Variants in NOS2 observed in about 807,000 individuals in gnomAD.
NOS2 encodes the protein nitric oxide synthase, inducible.
Under a neutral mutation model 136.0 loss-of-function variants are expected in NOS2, and 96 were observed. That is an observed-to-expected ratio of 0.71 (90% CI 0.60 to 0.84). The LOEUF (loss-of-function observed/expected upper bound fraction) is 0.84, where lower values mean the gene tolerates loss of function less well. Ranked by LOEUF, NOS2 falls within the 40% of genes least tolerant of loss-of-function variation. The probability of loss-of-function intolerance (pLI) is 0.00; values close to 1 mark genes in which losing one functional copy is unlikely to be tolerated. For missense variants in NOS2, 1,237 were observed against 1,496.9 expected, an observed-to-expected ratio of 0.83 and a Z score of 2.87; for synonymous variants, 539 against 587.5, an observed-to-expected ratio of 0.92 and a Z score of 1.20.
intron 12 of NOS2, 100 bp from the exon 13 acceptor site, chr17:27,773,343 C>G: frequency 1.2e-6 from 1 of 803,482 alleles, no homozygotes. Context: ...CCATCATGAG[C>G]CTGGGAGAGA....
At chr17:27,797,587 CA>C in intron 2 of NOS2, among the ~76,000 whole-genome samples, 1 of 152,234 alleles carries the variant, frequency 6.6e-6, no homozygotes. Context: ...TGTACACATC[CA>C]GGGGGCGCCC....
At chr17:27,766,375 C>A in intron 19 of NOS2, 135 bp downstream of exon 19, 1 of 813,768 alleles carries the variant, frequency 1.2e-6, no homozygotes, top group Admixed American at 1.9e-5. Flanking sequence ...GTGGGCCGGT[C>A]CTACCGACAG....
chr17:27,770,794 G>A, intron 15 of NOS2, 119 bp downstream of exon 15: 1 of 662,376 alleles, frequency 1.5e-6, no homozygotes, highest in South Asian at 1.8e-5. Flanking sequence ...GTGACCCGGA[G>A]TGGCCTGAGC....
At chr17:27,765,401 T>C (rs530368907) in intron 20 of NOS2, 134 bp downstream of exon 20, 3 of 786,230 alleles carry the variant, frequency 3.8e-6, no homozygotes, top group Non-Finnish European at 5.9e-6. Flanking sequence ...TGCTTTCACA[T>C]AAGCTTTGGT....
intron 2 of NOS2, among the ~76,000 whole-genome samples, chr17:27,792,331 A>T (rs1727188820): frequency 6.6e-6 from 1 of 152,264 alleles, no homozygotes; most frequent in Admixed American, 6.5e-5. Context: ...GTAAATGTTA[A>T]CAGTGACTAG....
intron 4 of NOS2, among the ~76,000 whole-genome samples, chr17:27,788,196 G>GCGCACACACA (rs1555540675): frequency 0.025 from 3,712 of 149,736 alleles, 56 homozygotes; most frequent in Middle Eastern, 0.062. Context: ...GCACACGCGT[G>GCGCACACACA]CACACACACA....
chr17:27,784,044 T>C (rs1908935507), intron 5 of NOS2, among the ~76,000 whole-genome samples: 1 of 152,110 alleles, frequency 6.6e-6, no homozygotes, highest in Admixed American at 6.6e-5. Flanking sequence ...AGTCACTCCA[T>C]ATGCAATTCT....
chr17:27,760,674 C>G lies in NOS2; in HGVS notation c.2959G>C (p.Ala987Pro). ...TGCTGCCAGAAACTGCGGAAGGGCG[C>G]GATGCCTGTGCCAGGCCCGATGAGG... Reference protein sequence around the residue: ...CILIGPGTGIAPFRSFWQQRL... With the variant: ...CILIGPGTGIPPFRSFWQQRL... Residue 987 changes from alanine (A) to proline (P), a missense_variant, in exon 24 of 27, where the codon GCG (alanine) becomes CCG (proline). By Grantham distance (27) the Ala-to-Pro change is conservative. Transcript: ENST00000313735. 6.4e-7 allele frequency: 1 copy of G among 1,552,458 alleles called. No individual in the cohort carries two copies. Among genetic ancestry groups the G allele is most frequent in the South Asian group, 1.2e-5 (1 of 84,142 alleles).
intron 2 of NOS2, among the ~76,000 whole-genome samples, chr17:27,794,714 G>GCACACACA (rs56767383): frequency 0.014 from 2,062 of 145,582 alleles, 51 homozygotes; most frequent in African/African-American, 0.047. Context: ...ACACACACGC[G>GCACACACA]CACACACACA....
At chr17:27,766,368 G>A (rs1908303041) in intron 19 of NOS2, 142 bp downstream of exon 19, 1 of 750,214 alleles carries the variant, frequency 1.3e-6, no homozygotes, top group East Asian at 2.5e-5. Context: ...TTACCAGGTG[G>A]GCCGGTCCTA....
chr17:27,782,155 G>T, intron 6 of NOS2, 49 bp from the exon 7 acceptor site: 2 of 1,530,066 alleles, frequency 1.3e-6, no homozygotes, highest in Non-Finnish European at 1.8e-6. Context: ...GGTAGACAGA[G>T]GCTTTGAGGC....
At position 27,767,794 on chromosome 17, in the gene NOS2, T is replaced by C. The variant is rs780511419; in HGVS notation, c.2078A>G (p.Gln693Arg). The C allele has an allele frequency of 2.5e-6, 4 of 1,607,200 alleles. No homozygotes were observed. The highest frequency in any genetic ancestry group is 8.5e-7 in the Non-Finnish European group (1 of 1,177,714). ...ATTGGAGGTGTAGAGCTTGGGGATC[T>C]GAATGTGCTGTTTGCCTCGGACATC... ...TFDVRGKQHIQIPKLYTSNVT... is the reference protein window; with the variant it reads ...TFDVRGKQHIRIPKLYTSNVT... The change falls in exon 18 of 27, where the codon CAG (glutamine) becomes CGG (arginine). Residue 693 changes from glutamine to arginine, a missense_variant. Transcript: ENST00000313735.
At position 27,764,101 on chromosome 17, in the gene NOS2, G is replaced by A. The variant is rs1245897283; in HGVS notation, c.2472C>T (p.Leu824=). ...VSDKRLPPCS[L]SQALTYFLDI... is the part of the protein sequence containing the mutation. ...CCAGGAAGTAGGTGAGGGCCTGGCTGAGTGAGCAGGGGGGCAGCCTCTTGT... is the reference window on the plus strand; with the variant it reads ...CCAGGAAGTAGGTGAGGGCCTGGCTAAGTGAGCAGGGGGGCAGCCTCTTGT... Residue 824 remains leucine, a synonymous_variant, in exon 21 of 27, where the codon CTC becomes CTT. Coordinates refer to ENST00000313735, the MANE Select transcript of NOS2 (RefSeq NM_000625.4). The A allele has an allele frequency of 1.2e-6, 2 of 1,603,548 alleles. No homozygotes were observed. The highest frequency in any genetic ancestry group is 2.2e-5 in the South Asian group (2 of 89,560).
Position 27,763,988 on chromosome 17 carries a change from A to G in NOS2, c.2585T>C (p.Leu862Pro). The change falls in exon 21 of 27, where the codon CTG becomes CCG. Residue 862 changes from leucine to proline, a missense_variant. Around this residue, in one of 3 missense-constraint regions of NOS2, gnomAD observed 782 missense variants for 909.9 expected, o/e 0.86. Coordinates refer to ENST00000313735, the MANE Select transcript of NOS2 (RefSeq NM_000625.4). ...ACCAGCCCTGATCTTCACCTGGCAC[A>G]GGGCCTCCAGCCTCTGTCTCTCAGG... ...EEPERQRLEA[L>P]CQPSEYSKWK... The G allele has an allele frequency of 6.2e-7, 1 of 1,612,508 alleles. No homozygotes were observed. Among genetic ancestry groups the G allele is most frequent in the Non-Finnish European group, 8.5e-7 (1 of 1,179,306 alleles).
intron 17 of NOS2, among the ~76,000 whole-genome samples, chr17:27,768,312 A>T (rs1001650250): frequency 3.3e-5 from 5 of 152,156 alleles, no homozygotes; most frequent in Admixed American, 3.3e-4. Context: ...CAGCCTCCTA[A>T]AGTGCTTGGA....
At chr17:27,789,372 C>T (rs1230611872) in intron 3 of NOS2, among the ~76,000 whole-genome samples, 3 of 152,206 alleles carry the variant, frequency 2.0e-5, no homozygotes, top group African/African-American at 4.8e-5. Flanking sequence ...TAGAAGCTAG[C>T]TGTCAGTGCA....
intron 9 of NOS2, among the ~76,000 whole-genome samples, chr17:27,780,409 G>A (rs1250229806): frequency 6.6e-6 from 1 of 152,220 alleles, no homozygotes; most frequent in East Asian, 1.9e-4. Context: ...CCCGACAGGA[G>A]AGGGACAGCT....
At chr17:27,793,678 C>A (rs1263544984) in intron 2 of NOS2, 1 of 396,078 alleles carries the variant, frequency 2.5e-6, no homozygotes, top group Non-Finnish European at 4.5e-6. Flanking sequence ...GCACGCCGCG[C>A]CCAGCCCCTC....
intron 2 of NOS2, among the ~76,000 whole-genome samples, chr17:27,796,613 T>G (rs902336088): frequency 6.6e-6 from 1 of 152,112 alleles, no homozygotes; most frequent in East Asian, 1.9e-4. Context: ...GGTAGGGTGC[T>G]CGCTCAGAAC....
Sources: gnomAD v4.1 joint callset for allele counts (sites outside exome capture counted in the v4.1 genomes callset) on GRCh38, gnomAD v4.1.1 for gene constraint, gnomAD v4.1.1 regional missense constraint, MANE v1.5 for transcripts, NCBI Gene and HGNC (gene_info 2026-07-23, HGNC 2026-07-21) for gene names.